The following RGS8 variants were observed in gnomAD, a reference collection of about 807,000 sequenced individuals.
RGS8 encodes the protein regulator of G protein signaling 8.
In RGS8, 8 loss-of-function variants were observed where a neutral mutation model predicts 21.7. The observed-to-expected ratio is 0.37, with a 90% CI of 0.22 to 0.66. RGS8 has a LOEUF of 0.66. Ranked by LOEUF, RGS8 falls within the 30% of genes least tolerant of loss-of-function variation. RGS8 has a pLI of 0.59. For missense variants in RGS8, 157 were observed against 217.9 expected (o/e 0.72, Z 1.76); for synonymous variants, 80 against 83.6 (o/e 0.96, Z 0.24).
the RGS8 span, among the ~76,000 whole-genome samples, chr1:182,707,863 T>C: frequency 1.3e-5 from 2 of 151,974 alleles, no homozygotes; most frequent in Admixed American, 6.6e-5. Context: ...CCCACCACCA[T>C]GTCTGGCTAA....
the RGS8 span, among the ~76,000 whole-genome samples, chr1:182,734,026 T>C: frequency 6.6e-6 from 1 of 152,048 alleles, no homozygotes; most frequent in African/African-American, 2.4e-5. Context: ...AGTCAAGCAA[T>C]TCTCCTGCCT....
In RGS8 at chr1:182,648,130, A is replaced by G; in HGVS notation, c.360+7T>C. ...GATAGACAGGATGGTCGCCGCTGCC[A>G]ACACACCTCCCGTGGAGCCTGCACA... On this transcript the variant is annotated splice_region_variant and intron_variant, in intron 6 of 6. Coordinates refer to ENST00000483095, the Ensembl canonical transcript of RGS8. The G allele has an allele frequency of 6.3e-7, 1 of 1,593,704 alleles. No individual in the cohort carries two copies. Among genetic ancestry groups the G allele is most frequent in the Non-Finnish European group, 8.6e-7 (1 of 1,166,652 alleles).
chr1:182,718,619 C>G, the RGS8 span, among the ~76,000 whole-genome samples: 3 of 152,160 alleles, frequency 2.0e-5, no homozygotes, highest in African/African-American at 7.2e-5. Flanking sequence ...CTCCACATAA[C>G]AGCTGAGAGG....
the RGS8 span, among the ~76,000 whole-genome samples, chr1:182,696,945 A>AG: frequency 6.6e-6 from 1 of 152,182 alleles, no homozygotes; most frequent in Admixed American, 6.5e-5. Flanking sequence ...CTAGGGTGCT[A>AG]GGGGTGGCTG....
At chr1:182,705,521 A>G in the RGS8 span, among the ~76,000 whole-genome samples, 8 of 152,196 alleles carry the variant, frequency 5.3e-5, no homozygotes, top group African/African-American at 1.9e-4. Flanking sequence ...AAGCGTAAAA[A>G]GAATCCCAAG....
At chr1:182,679,293 C>T (rs1011983343) in intron 1 of RGS8, among the ~76,000 whole-genome samples, 3 of 152,128 alleles carry the variant, frequency 2.0e-5, no homozygotes, top group African/African-American at 2.4e-5. Context: ...ACCATTCCCC[C>T]GAAACACAGC....
chr1:182,716,961 A>G, the RGS8 span, among the ~76,000 whole-genome samples: 2 of 152,212 alleles, frequency 1.3e-5, no homozygotes, highest in Non-Finnish European at 2.9e-5. Context: ...CCCCCAAGGT[A>G]TAACGAACAT....
At chr1:182,727,243 C>A in the RGS8 span, among the ~76,000 whole-genome samples, 2 of 152,218 alleles carry the variant, frequency 1.3e-5, no homozygotes, top group African/African-American at 2.4e-5. Flanking sequence ...AATAACTTAA[C>A]CTCTCTGTAC....
chr1:182,691,630 A>AAAAAACCTC, the RGS8 span, among the ~76,000 whole-genome samples: 1 of 150,918 alleles, frequency 6.6e-6, no homozygotes, highest in African/African-American at 2.4e-5. Flanking sequence ...AAAAAAAAAA[A>AAAAAACCTC]AAAAACCTCA....
At chr1:182,724,792 A>C in the RGS8 span, among the ~76,000 whole-genome samples, 1 of 152,156 alleles carries the variant, frequency 6.6e-6, no homozygotes, top group African/African-American at 2.4e-5. Flanking sequence ...TCCTGACCTC[A>C]GGTGATCAAC....
the RGS8 span, among the ~76,000 whole-genome samples, chr1:182,734,222 C>G: frequency 1.3e-5 from 2 of 152,050 alleles, no homozygotes; most frequent in African/African-American, 4.8e-5. Flanking sequence ...TGCCTGGCCC[C>G]AAGTTATTTA....
the RGS8 span, among the ~76,000 whole-genome samples, chr1:182,699,094 T>G: frequency 6.6e-6 from 1 of 152,112 alleles, no homozygotes; most frequent in Non-Finnish European, 1.5e-5. Flanking sequence ...GTAGAGGGAG[T>G]TATGACTTGC....
At chr1:182,705,280 C>T in the RGS8 span, among the ~76,000 whole-genome samples, 1 of 152,316 alleles carries the variant, frequency 6.6e-6, no homozygotes, top group African/African-American at 2.4e-5. Flanking sequence ...CCATGCCTGA[C>T]AGCAGAAGAC....
the RGS8 span, among the ~76,000 whole-genome samples, chr1:182,752,209 A>G: frequency 3.3e-5 from 5 of 152,340 alleles, no homozygotes; most frequent in South Asian, 8.3e-4. Context: ...ATGACAGCAG[A>G]GGCTGGGCTG....
At chr1:182,667,547 A>C (rs1034423804) in intron 3 of RGS8, among the ~76,000 whole-genome samples, 3 of 152,188 alleles carry the variant, frequency 2.0e-5, no homozygotes, top group African/African-American at 7.2e-5. Flanking sequence ...CTGTAGGGGG[A>C]GAAGAGTAAT....
At chr1:182,740,809 A>G in the RGS8 span, among the ~76,000 whole-genome samples, 33 of 151,574 alleles carry the variant, frequency 2.2e-4, no homozygotes, top group East Asian at 5.8e-4. Context: ...ATCTTGCACC[A>G]CCCTTAATCC....
At chr1:182,734,422 G>A in the RGS8 span, 1 of 152,160 alleles carries the variant, frequency 6.6e-6, no homozygotes, top group Non-Finnish European at 1.5e-5. Flanking sequence ...CACCAGAAAA[G>A]ATGGTCATAC....
chr1:182,744,169 G>A, the RGS8 span, among the ~76,000 whole-genome samples: 1 of 152,036 alleles, frequency 6.6e-6, no homozygotes, highest in East Asian at 1.9e-4. Flanking sequence ...TTGTTTGTTT[G>A]TTTTTTGAGA....
the RGS8 span, among the ~76,000 whole-genome samples, chr1:182,742,007 G>T: frequency 4.9e-5 from 7 of 142,012 alleles, 1 homozygote; most frequent in African/African-American, 1.8e-4. Flanking sequence ...CAGGCAGAGG[G>T]TCTCCTCACT....
Sources: allele counts gnomAD v4.1 joint callset (sites outside exome capture counted in the v4.1 genomes callset), GRCh38; gene constraint gnomAD v4.1.1; transcripts MANE v1.5; gene names NCBI Gene and HGNC (gene_info 2026-07-23, HGNC 2026-07-21).